ABHD12: variants seen among roughly 807,000 people sequenced by gnomAD.
The protein encoded by ABHD12 is abhydrolase domain containing 12, lysophospholipase.
Under a neutral mutation model 58.3 loss-of-function variants are expected in ABHD12, and 43 were observed. The ratio of observed to expected loss-of-function variants is 0.74; its 90% CI spans 0.58 to 0.95. The LOEUF is 0.95. Among genes scored for constraint, ABHD12 ranks in the 40% least tolerant of loss-of-function variants. The probability of loss-of-function intolerance (pLI) is 0.00; values close to 1 mark genes in which losing one functional copy is unlikely to be tolerated. For synonymous variants in ABHD12, 219 were observed against 211.2 expected, an observed-to-expected ratio of 1.04 and a Z score of -0.32; for missense variants, 539 against 537.2, an observed-to-expected ratio of 1.00 and a Z score of -0.03.
chr20:25,374,369 C>A (rs918948415), intron 1 of ABHD12, among the ~76,000 whole-genome samples: 4 of 152,260 alleles, frequency 2.6e-5, no homozygotes, highest in African/African-American at 9.6e-5. Context: ...ATGTAATTCC[C>A]TTCAGTGTAA....
chr20:25,388,791 T>TTTC (rs1420551445), intron 1 of ABHD12, among the ~76,000 whole-genome samples: 3 of 119,922 alleles, frequency 2.5e-5, no homozygotes, highest in South Asian at 4.6e-4. Flanking sequence ...TTTTTTCTTT[T>TTTC]TTTTTTTTTT....
chr20:25,365,546 T>C (rs1946545873), intron 1 of ABHD12, among the ~76,000 whole-genome samples: 1 of 152,232 alleles, frequency 6.6e-6, no homozygotes, highest in African/African-American at 2.4e-5. Flanking sequence ...AATCACTCTG[T>C]ACATACCTAA....
At chr20:25,342,606 T>A (rs185303362) in intron 1 of ABHD12, among the ~76,000 whole-genome samples, 81 of 152,254 alleles carry the variant, frequency 5.3e-4, no homozygotes, top group Non-Finnish European at 8.2e-4. Flanking sequence ...TTTGTTGTTG[T>A]TGTTTGCTTT....
intron 1 of ABHD12, among the ~76,000 whole-genome samples, chr20:25,348,226 A>G (rs1174142440): frequency 6.6e-6 from 1 of 151,782 alleles, no homozygotes; most frequent in African/African-American, 2.4e-5. Context: ...AAAAAGGAAA[A>G]AAGTTCACAG....
At chr20:25,308,834 C>T (rs1412850526) in intron 7 of ABHD12, among the ~76,000 whole-genome samples, 1 of 152,236 alleles carries the variant, frequency 6.6e-6, no homozygotes, top group African/African-American at 2.4e-5. Flanking sequence ...CCACCACACC[C>T]AGGGCCTCTT....
In ABHD12 at chr20:25,302,283, G is replaced by T; in HGVS notation, c.1093C>A (p.His365Asn). 1 of 1,613,890 alleles carries T rather than the reference G, an allele frequency of 6.2e-7. No homozygotes were observed. The highest frequency in any genetic ancestry group is 8.5e-7 in the Non-Finnish European group (1 of 1,180,010). ...TTGTGCCTGTAGCCAAGGTCTGAAT[G>T]AAAGGGCACAAACTGAACTTTGAAA... ...RDFKVQFVPF[H>N]SDLGYRHKYI... The change falls in exon 12 of 13, where the codon CAT (histidine) becomes AAT (asparagine). Residue 365 changes from histidine to asparagine, a missense_variant. Physicochemically the swap from His to Asn is moderately conservative, Grantham distance 68. Transcript: ENST00000339157.
In ABHD12 at chr20:25,322,362, G is replaced by GATATATAT. The variant is rs1312326738; in HGVS notation, c.422+955_422+962dup. Among the ~76,000 whole-genome samples, 9 of 66,106 alleles carry GATATATAT rather than the reference G, an allele frequency of 1.4e-4. 1 individual carries two copies. The highest frequency in any genetic ancestry group is 4.8e-4 in the African/African-American group (7 of 14,604). The allele number at this position is 66,106 out of a possible 152,430, so 43.4% of individuals were successfully genotyped here. A position where few individuals can be genotyped will look rare whatever the true frequency, so the allele number is the denominator to read the frequency against. On this transcript the variant is annotated intron_variant, in intron 3 of 12. Coordinates refer to ENST00000339157, the MANE Select transcript of ABHD12 (RefSeq NM_001042472.3). ...ATCTAGATGTTCACCTCTTGGAAAA[G>GATATATAT]ATATATATATATATATATATTTTTT...
At chr20:25,359,578 G>C (rs2089717281) in intron 1 of ABHD12, among the ~76,000 whole-genome samples, 1 of 151,828 alleles carries the variant, frequency 6.6e-6, no homozygotes, top group South Asian at 2.1e-4. Context: ...TGTCTAGGTG[G>C]GGGTAAGCAG....
chr20:25,362,241 T>C (rs562639547), intron 1 of ABHD12, among the ~76,000 whole-genome samples: 15 of 148,308 alleles, frequency 1.0e-4, no homozygotes, highest in African/African-American at 3.5e-4. Flanking sequence ...CATTGTGCCA[T>C]TGCACTCCAG....
exon 13 of ABHD12, chr20:25,294,814 A>G: frequency 1.3e-6 from 1 of 766,482 alleles, no homozygotes. Context: ...AGAGTTACAG[A>G]CTTTGTAAGG....
chr20:25,303,722 T>TCCCAAAACACACCC, intron 10 of ABHD12, 94 bp from the exon 11 acceptor site: 1 of 1,557,090 alleles, frequency 6.4e-7, no homozygotes, highest in Non-Finnish European at 8.7e-7. Flanking sequence ...TCAGGGTGTG[T>TCCCAAAACACACCC]TTTGGGAAAC....
intron 1 of ABHD12, among the ~76,000 whole-genome samples, chr20:25,382,532 A>G (rs1257977407): frequency 1.3e-5 from 2 of 152,204 alleles, no homozygotes; most frequent in African/African-American, 4.8e-5. Flanking sequence ...CTAATGGAAG[A>G]GGAGAGAAAG....
chr20:25,371,992 C>T (rs1374492466), intron 1 of ABHD12, among the ~76,000 whole-genome samples: 8 of 152,138 alleles, frequency 5.3e-5, no homozygotes, highest in African/African-American at 1.9e-4. Flanking sequence ...ATGTGAGCTA[C>T]TTTGTAATTT....
chr20:25,361,847 C>T (rs1015941092), intron 1 of ABHD12, among the ~76,000 whole-genome samples: 3 of 151,870 alleles, frequency 2.0e-5, no homozygotes, highest in African/African-American at 4.8e-5. Flanking sequence ...CCCAGCTACT[C>T]GGGAGGTTGA....
At chr20:25,344,916 G>T (rs1213407067) in intron 1 of ABHD12, among the ~76,000 whole-genome samples, 1 of 152,266 alleles carries the variant, frequency 6.6e-6, no homozygotes, top group East Asian at 1.9e-4. Context: ...TCCACAAATG[G>T]TGCTGTAACA....
chr20:25,353,541 C>A (rs1159382338), intron 1 of ABHD12, among the ~76,000 whole-genome samples: 1 of 152,154 alleles, frequency 6.6e-6, no homozygotes, highest in African/African-American at 2.4e-5. Context: ...AAGGGAAAAA[C>A]ACAGCTGAAC....
chr20:25,370,850 T>TG (rs569486171), intron 1 of ABHD12, among the ~76,000 whole-genome samples: 1 of 95,992 alleles, frequency 1.0e-5, no homozygotes, highest in East Asian at 1.1e-3. Context: ...CTTTATTGAC[T>TG]TTTTTTTTTT....
intron 1 of ABHD12, among the ~76,000 whole-genome samples, chr20:25,349,078 C>T (rs1382083671): frequency 1.2e-4 from 17 of 142,004 alleles, no homozygotes; most frequent in African/African-American, 4.3e-4. Flanking sequence ...AGCGAGACTC[C>T]GTCTCAAAAA....
chr20:25,329,825 G>C (rs933019564), intron 2 of ABHD12, among the ~76,000 whole-genome samples: 4 of 152,196 alleles, frequency 2.6e-5, no homozygotes, highest in Non-Finnish European at 5.9e-5. Context: ...CAGGCTTACA[G>C]GACCTTCCGT....
Sources: allele counts gnomAD v4.1 joint callset (sites outside exome capture counted in the v4.1 genomes callset), GRCh38; gene constraint gnomAD v4.1.1; transcripts MANE v1.5; gene names NCBI Gene and HGNC (gene_info 2026-07-23, HGNC 2026-07-21).